Variants in ZFHX3 observed in about 807,000 individuals in gnomAD.
The protein encoded by ZFHX3 is zinc finger homeobox 3, also known as zinc finger homeobox protein 3.
Under a neutral mutation model 279.1 loss-of-function variants are expected in ZFHX3, and 42 were observed. That is an observed-to-expected ratio of 0.15 (90% CI 0.12 to 0.19). The LOEUF (loss-of-function observed/expected upper bound fraction) is 0.19. Ranked by LOEUF, ZFHX3 falls within the 10% of genes least tolerant of loss-of-function variation. ZFHX3 has a pLI of 1.00. For synonymous variants in ZFHX3, 2,293 were observed against 1,957.8 expected (o/e 1.17, Z -4.52); for missense variants, 4,981 against 4,754.0 (o/e 1.05, Z -1.40).
intron 1 of ZFHX3, among the ~76,000 whole-genome samples, chr16:73,689,631 T>C (rs899883): frequency 0.85 from 129,749 of 152,150 alleles, 57,398 homozygotes; most frequent in East Asian, 1. Context: ...GAAGGGTTGG[T>C]GCAGCATGGC....
intron 2 of ZFHX3, 71 bp downstream of exon 2, chr16:72,957,355 TC>T (rs1424017506): frequency 2.6e-6 from 4 of 1,512,714 alleles, no homozygotes; most frequent in Admixed American, 2.1e-5. Context: ...CACAGGACTA[TC>T]TCACCCTATT....
At chr16:73,204,226 G>A (rs536685591) in intron 5 of ZFHX3, among the ~76,000 whole-genome samples, 2 of 151,646 alleles carry the variant, frequency 1.3e-5, no homozygotes, top group African/African-American at 2.4e-5. Context: ...GATGAATCAA[G>A]CGCATTACAT....
At chr16:72,891,219 A>G (rs776031559) in intron 3 of ZFHX3, among the ~76,000 whole-genome samples, 3 of 152,180 alleles carry the variant, frequency 2.0e-5, no homozygotes, top group South Asian at 2.1e-4. Context: ...GGTGTATCAG[A>G]TGGTCAGATG....
At position 73,655,976 on chromosome 16, in the gene ZFHX3, T is replaced by C. The variant is rs117512564; in HGVS notation, c.-1547+24204A>G. ...CCTAACTGAAAACAACCCAAATGTC[T>C]GTCAAGAATAAAATATGTAAATAAA... On this transcript the variant is annotated intron_variant, in intron 2 of 17. Coordinates refer to the ZFHX3 transcript ENST00000641206. Among the ~76,000 whole-genome samples the C allele has an allele frequency of 9.0e-3, 1,366 of 152,302 alleles. 46 individuals are homozygous for C. Among genetic ancestry groups the C allele is most frequent in the Admixed American group, 0.061 (938 of 15,292 alleles).
At chr16:73,792,527 A>T (rs769418529) in intron 1 of ZFHX3, among the ~76,000 whole-genome samples, 14 of 152,176 alleles carry the variant, frequency 9.2e-5, no homozygotes, top group Non-Finnish European at 1.9e-4. Flanking sequence ...CACTTTCCCC[A>T]TTGGGTTTAC....
intron 2 of ZFHX3, among the ~76,000 whole-genome samples, chr16:73,618,746 A>C (rs1387272500): frequency 6.6e-6 from 1 of 152,182 alleles, no homozygotes; most frequent in Non-Finnish European, 1.5e-5. Flanking sequence ...GAAGCAGTGC[A>C]CCTAAACTAA....
At chr16:73,135,293 G>T (rs142918007) in intron 6 of ZFHX3, among the ~76,000 whole-genome samples, 1 of 152,194 alleles carries the variant, frequency 6.6e-6, no homozygotes, top group East Asian at 1.9e-4. Flanking sequence ...AGTACACACC[G>T]AGTTCATTCA....
intron 5 of ZFHX3, among the ~76,000 whole-genome samples, chr16:73,226,606 C>T (rs530518211): frequency 6.6e-6 from 1 of 152,342 alleles, no homozygotes; most frequent in Non-Finnish European, 1.5e-5. Context: ...TTGTAGCCAC[C>T]TTTGCTGATT....
In ZFHX3 at chr16:72,787,468, G is replaced by A. The variant is rs2035452020; in HGVS notation, c.10808C>T (p.Ala3603Val). 6.2e-7 allele frequency: 1 copy of A among 1,602,076 alleles called. No homozygotes were observed. The highest frequency in any genetic ancestry group is 1.1e-5 in the South Asian group (1 of 89,664). The change falls in exon 10 of 10, where the codon GCC becomes GTC. Residue 3603 changes from alanine to valine, a missense_variant. Physicochemically the swap from Ala to Val is moderately conservative, Grantham distance 64 (BLOSUM62 0). This residue lies in a region of ZFHX3 where 1,034 missense variants were observed against 786.0 expected (regional missense o/e 1.32). Coordinates refer to ENST00000268489, the MANE Select transcript of ZFHX3 (RefSeq NM_006885.4). ...GTGGGGGGAAGCGGAGGAGGGGGCG[G>A]CGGCCGACGGGGGAGGGGGGCTGTC... ...SNDSPPPPSA[A>V]APSSASPHAS...
intron 4 of ZFHX3, among the ~76,000 whole-genome samples, chr16:72,862,510 T>A (rs1257911826): frequency 1.3e-5 from 2 of 152,194 alleles, no homozygotes; most frequent in Non-Finnish European, 2.9e-5. Context: ...AATGAGAATA[T>A]CATCATTTTG....
At chr16:73,772,760 T>C (rs1337620192) in intron 1 of ZFHX3, among the ~76,000 whole-genome samples, 1 of 151,910 alleles carries the variant, frequency 6.6e-6, no homozygotes, top group East Asian at 1.9e-4. Context: ...AATAACTTCA[T>C]ATGGGGGGTG....
At chr16:73,523,208 T>A (rs2019636015) in intron 2 of ZFHX3, among the ~76,000 whole-genome samples, 2 of 152,218 alleles carry the variant, frequency 1.3e-5, no homozygotes, top group Non-Finnish European at 2.9e-5. Context: ...TTTGGCAAAT[T>A]TGTTATTCAG....
At chr16:73,173,181 G>C (rs1389459295) in intron 5 of ZFHX3, among the ~76,000 whole-genome samples, 2 of 151,718 alleles carry the variant, frequency 1.3e-5, no homozygotes, top group South Asian at 2.1e-4. Context: ...GGTTTGAGAG[G>C]GGAAGACTGA....
intron 1 of ZFHX3, among the ~76,000 whole-genome samples, chr16:73,793,869 G>A (rs956748180): frequency 1.3e-5 from 2 of 152,074 alleles, no homozygotes; most frequent in African/African-American, 2.4e-5. Flanking sequence ...GACTCTGAAC[G>A]CATTCTTAAT....
chr16:73,105,141 C>T (rs954040762), intron 7 of ZFHX3, among the ~76,000 whole-genome samples: 3 of 151,766 alleles, frequency 2.0e-5, no homozygotes, highest in Admixed American at 6.6e-5. Context: ...AGTGGTGGCT[C>T]ACGTTTGTAA....
chr16:73,175,804 G>A (rs766952452), intron 5 of ZFHX3, among the ~76,000 whole-genome samples: 5 of 151,974 alleles, frequency 3.3e-5, no homozygotes, highest in South Asian at 2.1e-4. Flanking sequence ...CATTCCCAAC[G>A]CTTGAACCCC....
chr16:73,518,112 C>A (rs1044901845), intron 2 of ZFHX3, among the ~76,000 whole-genome samples: 2 of 152,088 alleles, frequency 1.3e-5, no homozygotes, highest in African/African-American at 4.8e-5. Flanking sequence ...TCAGTTAGGA[C>A]TAGCCACATT....
At chr16:72,851,560 C>CT (rs765929247) in intron 4 of ZFHX3, among the ~76,000 whole-genome samples, 3,653 of 146,336 alleles carry the variant, frequency 0.025, 49 homozygotes, top group Non-Finnish European at 0.034. Context: ...TCCAATTTCA[C>CT]TTTTTTTTTT....
At chr16:72,900,997 T>C (rs1292188957) in intron 3 of ZFHX3, among the ~76,000 whole-genome samples, 3 of 152,216 alleles carry the variant, frequency 2.0e-5, no homozygotes, top group Admixed American at 6.5e-5. Context: ...ATGCAATGCC[T>C]GCACACAAGA....
Sources: allele counts gnomAD v4.1 joint callset (sites outside exome capture counted in the v4.1 genomes callset), GRCh38; gene constraint gnomAD v4.1.1; regional missense constraint gnomAD v4.1.1; transcripts MANE v1.5; gene names NCBI Gene and HGNC (gene_info 2026-07-23, HGNC 2026-07-21).